The following PALM2AKAP2 variants were observed in gnomAD, a reference collection of about 807,000 sequenced individuals.
PALM2AKAP2 encodes the protein PALM2-AKAP2 fusion protein.
PALM2AKAP2 carries 37 observed loss-of-function variants against 71.5 expected under a neutral mutation model. That is an observed-to-expected ratio of 0.52 (90% CI 0.40 to 0.68). The LOEUF (loss-of-function observed/expected upper bound fraction) is 0.68. Among genes scored for constraint, PALM2AKAP2 ranks in the 30% least tolerant of loss-of-function variants. The probability of loss-of-function intolerance (pLI) is 0.00; values close to 1 mark genes in which losing one functional copy is unlikely to be tolerated. For missense variants in PALM2AKAP2, 1,224 were observed against 1,191.8 expected (o/e 1.03, Z -0.40); for synonymous variants, 468 against 478.8 (o/e 0.98, Z 0.29).
At chr9:109,929,887 AGAG>A (rs1471956342) in intron 5 of PALM2AKAP2, among the ~76,000 whole-genome samples, 1 of 143,630 alleles carries the variant, frequency 7.0e-6, no homozygotes, top group Non-Finnish European at 1.5e-5. Flanking sequence ...AAAAAAAAAA[AGAG>A]AGAGAATCAT....
chr9:110,084,346 T>G (rs1334012494), intron 1 of PALM2AKAP2, among the ~76,000 whole-genome samples: 1 of 152,208 alleles, frequency 6.6e-6, no homozygotes, highest in East Asian at 1.9e-4. Flanking sequence ...CCTCATATGG[T>G]GAGGGCATAG....
At chr9:109,993,697 T>G (rs550809076) in intron 6 of PALM2AKAP2, among the ~76,000 whole-genome samples, 3 of 151,642 alleles carry the variant, frequency 2.0e-5, no homozygotes, top group African/African-American at 7.3e-5. Flanking sequence ...CTCTCTTCCT[T>G]CCTCTCCTCA....
chr9:109,718,614 A>T (rs1353124601), intron 1 of PALM2AKAP2, among the ~76,000 whole-genome samples: 1 of 152,058 alleles, frequency 6.6e-6, no homozygotes, highest in African/African-American at 2.4e-5. Context: ...TTTGCAGAAG[A>T]GTTGCAAAGG....
At chr9:109,818,544 TA>T (rs1827908250) in intron 1 of PALM2AKAP2, among the ~76,000 whole-genome samples, 1 of 152,218 alleles carries the variant, frequency 6.6e-6, no homozygotes, top group African/African-American at 2.4e-5. Flanking sequence ...GATAAGAAGG[TA>T]AAAAACATAA....
At chr9:109,845,389 A>G (rs1828827821) in intron 1 of PALM2AKAP2, among the ~76,000 whole-genome samples, 1 of 152,214 alleles carries the variant, frequency 6.6e-6, no homozygotes, top group Admixed American at 6.5e-5. Flanking sequence ...CTTGACTTGC[A>G]AAAAATTGCT....
At position 110,024,788 on chromosome 9, in the gene PALM2AKAP2, A is replaced by T; in HGVS notation, c.582+8749A>T. On this transcript the variant is annotated intron_variant, in intron 7 of 9. Coordinates refer to the PALM2AKAP2 transcript ENST00000302798. Reference sequence around the variant, plus strand: ...GATGACAGAGTATGACCCTGTCTTAAAAAAAAAAAAAGATATGCCAGTGTC... The same window carrying T: ...GATGACAGAGTATGACCCTGTCTTATAAAAAAAAAAAGATATGCCAGTGTC... 1.4e-5 allele frequency: 5 copies of T among 354,666 alleles called. No individual in the cohort carries two copies. The South Asian group carries it at 1.7e-4, about 12-fold the overall frequency. The allele number at this position is 354,666 out of a possible 1,614,324, so 22.0% of individuals were successfully genotyped here. A position where few individuals can be genotyped will look rare whatever the true frequency, so the allele number is the denominator to read the frequency against.
In PALM2AKAP2 at chr9:109,680,335, C is replaced by G. The variant is rs184029000; in HGVS notation, c.5+39469C>G. Among the ~76,000 whole-genome samples, 118 of 152,306 alleles carry G rather than the reference C, an allele frequency of 7.7e-4. 3 individuals are homozygous for G. In the East Asian group the frequency reaches 0.017, roughly 22 times the overall value. ...GGGTGGTCAGAGCAGAACAGTCACA[C>G]GAGGTGTATAGATGAGTGATGTCTC... On this transcript the variant is annotated intron_variant, in intron 1 of 6. Transcript: ENST00000374531.
At chr9:109,903,434 A>T (rs964583525) in intron 3 of PALM2AKAP2, among the ~76,000 whole-genome samples, 1 of 152,148 alleles carries the variant, frequency 6.6e-6, no homozygotes, top group African/African-American at 2.4e-5. Flanking sequence ...GATGGTTCAC[A>T]TAGGCCCACT....
chr9:110,093,259 T>C (rs1834758077), intron 1 of PALM2AKAP2, among the ~76,000 whole-genome samples: 1 of 152,150 alleles, frequency 6.6e-6, no homozygotes, highest in Non-Finnish European at 1.5e-5. Flanking sequence ...GTTTTATGGC[T>C]TATGAGATGA....
At chr9:110,112,947 A>T (rs1287180881) in intron 1 of PALM2AKAP2, among the ~76,000 whole-genome samples, 1 of 152,240 alleles carries the variant, frequency 6.6e-6, no homozygotes, top group Non-Finnish European at 1.5e-5. Flanking sequence ...GGTTATGAGC[A>T]CCTCATCATC....
chr9:109,851,776 G>C (rs2131627779), intron 1 of PALM2AKAP2, among the ~76,000 whole-genome samples: 1 of 152,276 alleles, frequency 6.6e-6, no homozygotes, highest in East Asian at 1.9e-4. Context: ...CCTGGACCCT[G>C]GTGGTTAAGA....
chr9:109,950,234 A>AG (rs879909408), intron 6 of PALM2AKAP2, among the ~76,000 whole-genome samples: 1 of 151,954 alleles, frequency 6.6e-6, no homozygotes. Flanking sequence ...TGGAGGCTGC[A>AG]GGGGGCTGAG....
At chr9:109,746,659 G>A (rs553063307) in intron 1 of PALM2AKAP2, among the ~76,000 whole-genome samples, 5 of 152,318 alleles carry the variant, frequency 3.3e-5, no homozygotes, top group Admixed American at 2.0e-4. Flanking sequence ...AGGTGGAAGG[G>A]AGGTTGGTGT....
chr9:110,022,541 C>T (rs1295066495), intron 7 of PALM2AKAP2, among the ~76,000 whole-genome samples: 1 of 151,744 alleles, frequency 6.6e-6, no homozygotes. Context: ...TCCAGTGGCA[C>T]ATTCTTTTCT....
At chr9:109,696,669 A>G (rs1313913985) in intron 1 of PALM2AKAP2, among the ~76,000 whole-genome samples, 1 of 152,126 alleles carries the variant, frequency 6.6e-6, no homozygotes, top group Non-Finnish European at 1.5e-5. Context: ...ATTGGAAAGG[A>G]CCTAATATCC....
intron 1 of PALM2AKAP2, among the ~76,000 whole-genome samples, chr9:110,082,147 G>A (rs563785755): frequency 3.2e-4 from 49 of 152,240 alleles, no homozygotes; most frequent in African/African-American, 1.0e-3. Context: ...GAGTGCAGTG[G>A]TGTGATCTTG....
At position 109,837,232 on chromosome 9, in the gene PALM2AKAP2, T is replaced by C. The variant is rs141268302; in HGVS notation, c.46-30259T>C. ...GAGTGGGGGCCAATATTCAACATTC[T>C]TAAAGAAAAGAATTTTCAATGCAGA... On this transcript the variant is annotated intron_variant, in intron 1 of 9. Coordinates refer to the PALM2AKAP2 transcript ENST00000302798. 2.7e-3 allele frequency among the ~76,000 whole-genome samples: 411 copies of C among 152,282 alleles called. 1 individual carries two copies. The highest frequency in any genetic ancestry group is 9.2e-3 in the African/African-American group (381 of 41,544).
intron 1 of PALM2AKAP2, among the ~76,000 whole-genome samples, chr9:109,794,298 G>T (rs1827191116): frequency 6.6e-6 from 1 of 151,978 alleles, no homozygotes; most frequent in South Asian, 2.1e-4. Flanking sequence ...GATCTCTTAG[G>T]GTTAACAGTT....
chr9:110,131,591 C>A (rs1265417373), intron 1 of PALM2AKAP2, among the ~76,000 whole-genome samples: 1 of 152,214 alleles, frequency 6.6e-6, no homozygotes, highest in Non-Finnish European at 1.5e-5. Context: ...GGTTAGATTT[C>A]CAGCCCATTT....
Sources: gnomAD v4.1 joint callset for allele counts (sites outside exome capture counted in the v4.1 genomes callset) on GRCh38, gnomAD v4.1.1 for gene constraint, MANE v1.5 for transcripts, NCBI Gene and HGNC (gene_info 2026-07-23, HGNC 2026-07-21) for gene names.